Variants in LPCAT2 observed in about 807,000 individuals in gnomAD.
LPCAT2 encodes 1-AGP acyltransferase 11.
In LPCAT2, 58 loss-of-function variants were observed where a neutral mutation model predicts 64.7. That is an observed-to-expected ratio of 0.90 (90% CI 0.73 to 1.12). LPCAT2 has a LOEUF of 1.12. Ranked by LOEUF, LPCAT2 falls within the 50% of genes most tolerant of loss-of-function variation. LPCAT2 has a pLI of 0.00. For synonymous variants in LPCAT2, 252 were observed against 245.3 expected, an observed-to-expected ratio of 1.03 and a Z score of -0.26; for missense variants, 579 against 669.8, an observed-to-expected ratio of 0.86 and a Z score of 1.50.
intron 3 of LPCAT2, among the ~76,000 whole-genome samples, chr16:55,529,453 T>A (rs184808415): frequency 4.6e-5 from 7 of 152,322 alleles, no homozygotes; most frequent in Admixed American, 3.3e-4. Context: ...ATTGCAGTAT[T>A]ATGAGTAATG....
chr16:55,536,255 G>A (rs2142386754), intron 7 of LPCAT2, among the ~76,000 whole-genome samples: 1 of 152,276 alleles, frequency 6.6e-6, no homozygotes. Context: ...AGGAGACTTG[G>A]AATAAACTTA....
intron 11 of LPCAT2, among the ~76,000 whole-genome samples, chr16:55,570,553 G>A (rs1389453378): frequency 6.6e-6 from 1 of 152,086 alleles, no homozygotes; most frequent in Non-Finnish European, 1.5e-5. Context: ...AGGATCGCTT[G>A]AGCCCGGGGG....
chr16:55,571,955 AT>A (rs1187132105), intron 11 of LPCAT2, among the ~76,000 whole-genome samples: 1 of 152,126 alleles, frequency 6.6e-6, no homozygotes, highest in African/African-American at 2.4e-5. Flanking sequence ...CCAGTTCTAA[AT>A]TTTGTTATTC....
At chr16:55,580,837 T>TTCTCATA (rs201205848) in intron 13 of LPCAT2, among the ~76,000 whole-genome samples, 81,578 of 151,540 alleles carry the variant, frequency 0.54, 22,253 homozygotes, top group East Asian at 0.7. Flanking sequence ...TAGGAGCGCA[T>TTCTCATA]GAACCCTATT....
intron 8 of LPCAT2, among the ~76,000 whole-genome samples, chr16:55,543,064 G>C (rs556863953): frequency 1.5e-4 from 23 of 152,280 alleles, no homozygotes; most frequent in Non-Finnish European, 3.4e-4. Context: ...CATTCATACT[G>C]TGAGCCTTGA....
At chr16:55,556,544 G>A (rs1203241695) in intron 11 of LPCAT2, among the ~76,000 whole-genome samples, 4 of 152,126 alleles carry the variant, frequency 2.6e-5, no homozygotes, top group Non-Finnish European at 4.4e-5. Flanking sequence ...TTGGGAGGCC[G>A]AGGTGGGCAG....
rs1013847132 is a variant in LPCAT2 at position 55,574,491 on chromosome 16, G to C, written c.1216-140G>C. On this transcript the variant is annotated intron_variant, in intron 11 of 13. Coordinates refer to ENST00000262134, the MANE Select transcript of LPCAT2 (RefSeq NM_017839.5). ...GGAATAGTTGGGCTACTTGCTTGCT[G>C]TTCCTTCTTAGTGAGACTTTTCTCC... The C allele has an allele frequency of 2.9e-4, 190 of 645,618 alleles. No individual in the cohort carries two copies. The Middle Eastern group carries it at 4.9e-3, about 17-fold the overall frequency. 40.0% of individuals were successfully genotyped at this position (645,618 alleles called of 1,614,324 possible).
chr16:55,509,091 C>T lies in LPCAT2; in HGVS notation c.-91C>T. On this transcript the variant is annotated 5_prime_UTR_variant, in exon 1 of 14. Coordinates refer to ENST00000262134, the MANE Select transcript of LPCAT2 (RefSeq NM_017839.5). ...CTGCGCAGAGGCTCCCCAGCGTCGCCCTAGGCTGGGACTCTAGTAGGTCTT... is the reference window on the plus strand; with the variant it reads ...CTGCGCAGAGGCTCCCCAGCGTCGCTCTAGGCTGGGACTCTAGTAGGTCTT... 1 of 1,135,164 alleles carries T rather than the reference C, an allele frequency of 8.8e-7. No homozygotes were observed. Among genetic ancestry groups the T allele is most frequent in the Non-Finnish European group, 1.1e-6 (1 of 885,050 alleles). 70.3% of individuals were successfully genotyped at this position (1,135,164 alleles called of 1,614,324 possible). A position where few individuals can be genotyped will look rare whatever the true frequency, so the allele number is the denominator to read the frequency against.
Position 55,584,207 on chromosome 16 carries a change from T to A in LPCAT2, c.*1109T>A, listed in dbSNP as rs1434365666. 1 of 152,186 alleles carries A rather than the reference T, an allele frequency of 6.6e-6. No individual in the cohort carries two copies. The highest frequency in any genetic ancestry group is 1.5e-5 in the Non-Finnish European group (1 of 68,030). The allele number at this position is 152,186 out of a possible 1,614,324, so 9.4% of individuals were successfully genotyped here. Reference sequence around the variant, plus strand: ...ATGTAGCACTTGCCCTATAAATGAATCAGATTTGTTCTATTTATATAATAT... The same window carrying A: ...ATGTAGCACTTGCCCTATAAATGAAACAGATTTGTTCTATTTATATAATAT... On this transcript the variant is annotated 3_prime_UTR_variant, in exon 14 of 14. Coordinates refer to ENST00000262134, the MANE Select transcript of LPCAT2 (RefSeq NM_017839.5).
At chr16:55,549,237 TAA>T (rs1555496863) in intron 9 of LPCAT2, 38 bp from the exon 10 acceptor site, 21 of 1,332,444 alleles carry the variant, frequency 1.6e-5, no homozygotes, top group Admixed American at 8.3e-5. Flanking sequence ...CTTTTTTTTT[TAA>T]AAAAAATGAA....
In LPCAT2 at chr16:55,509,154, T is replaced by G; in HGVS notation, c.-28T>G. ...GGCTGCAGCGCCCGCGTAGATCGCT[T>G]CGGCCGGGTTCTACGCCCGGCTCAA... is the stretch of plus-strand genomic sequence containing the variant. On this transcript the variant is annotated 5_prime_UTR_variant, in exon 1 of 14. Transcript: ENST00000262134. 1 of 1,310,886 alleles carries G rather than the reference T, an allele frequency of 7.6e-7. No individual in the cohort carries two copies. The highest frequency in any genetic ancestry group is 2.1e-5 in the South Asian group (1 of 47,138). The allele number at this position is 1,310,886 out of a possible 1,614,324, so 81.2% of individuals were successfully genotyped here.
intron 10 of LPCAT2, 108 bp downstream of exon 10, chr16:55,549,510 G>A: frequency 9.2e-7 from 1 of 1,089,356 alleles, no homozygotes; most frequent in Non-Finnish European, 1.3e-6. Flanking sequence ...GTTCCCATTT[G>A]GTGTATATTA....
At chr16:55,559,078 G>A (rs1963607079) in intron 11 of LPCAT2, among the ~76,000 whole-genome samples, 1 of 152,142 alleles carries the variant, frequency 6.6e-6, no homozygotes, top group African/African-American at 2.4e-5. Flanking sequence ...GGAAAAGAGT[G>A]AGGAAATTGA....
Position 55,583,025 on chromosome 16 carries a change from C to T in LPCAT2, c.1562C>T (p.Thr521Ile), listed in dbSNP as rs1165711936. 2 of 1,613,664 alleles carry T rather than the reference C, an allele frequency of 1.2e-6. No homozygotes were observed. Among genetic ancestry groups the T allele is most frequent in the Non-Finnish European group, 8.5e-7 (1 of 1,179,808 alleles). The change falls in exon 14 of 14, where the codon ACC becomes ATC. Residue 521 changes from threonine (T) to isoleucine (I), a missense_variant. Thr to Ile is a moderately conservative substitution (Grantham distance 89). Transcript: ENST00000262134. Reference sequence around the variant, plus strand: ...TCATTACCAAAAGAAGTCCAGACAACCCCCTCCACCGCCAGTAATAAAGTC... The same window carrying T: ...TCATTACCAAAAGAAGTCCAGACAATCCCCTCCACCGCCAGTAATAAAGTC... ...VFSLPKEVQT[T>I]PSTASNKVSP...
intron 1 of LPCAT2, among the ~76,000 whole-genome samples, chr16:55,522,409 T>C (rs1406773556): frequency 2.6e-5 from 4 of 151,754 alleles, no homozygotes; most frequent in African/African-American, 9.7e-5. Context: ...TTCCTCCAAA[T>C]TGATCTGTAG....
At chr16:55,563,931 A>G (rs1305675439) in intron 11 of LPCAT2, among the ~76,000 whole-genome samples, 1 of 151,900 alleles carries the variant, frequency 6.6e-6, no homozygotes, top group Non-Finnish European at 1.5e-5. Flanking sequence ...AAATGATATG[A>G]TCTTATTTGT....
Position 55,509,274 on chromosome 16 carries a change from T to A in LPCAT2, c.93T>A (p.Arg31=). The A allele has an allele frequency of 6.6e-7, 1 of 1,511,508 alleles. No individual in the cohort carries two copies. The highest frequency in any genetic ancestry group is 8.9e-7 in the Non-Finnish European group (1 of 1,122,828). 93.6% of individuals were successfully genotyped at this position (1,511,508 alleles called of 1,614,324 possible). Residue 31 remains arginine, a synonymous_variant, in exon 1 of 14, where the codon CGT becomes CGA. Coordinates refer to ENST00000262134, the MANE Select transcript of LPCAT2 (RefSeq NM_017839.5). ...GGCTGCGGCCGCCCATGGTGCCCCGTCAGGCGTCCTTCTTCCCGCCGCCGG... is the reference window on the plus strand; with the variant it reads ...GGCTGCGGCCGCCCATGGTGCCCCGACAGGCGTCCTTCTTCCCGCCGCCGG... ...NVGLRPPMVP[R]QASFFPPPVP... is the part of the protein sequence containing the mutation.
intron 11 of LPCAT2, among the ~76,000 whole-genome samples, chr16:55,565,600 A>G (rs1963685723): frequency 6.6e-6 from 1 of 152,138 alleles, no homozygotes; most frequent in Non-Finnish European, 1.5e-5. Context: ...TAAGCAAGTC[A>G]CAAAAGAACA....
Position 55,574,774 on chromosome 16 carries a change from A to G in LPCAT2, c.1314+45A>G, listed in dbSNP as rs771838605. 3.8e-6 allele frequency: 5 copies of G among 1,327,550 alleles called. No homozygotes were observed. The South Asian group carries it at 5.9e-5, about 16-fold the overall frequency. The allele number at this position is 1,327,550 out of a possible 1,614,324, so 82.2% of individuals were successfully genotyped here. A position where few individuals can be genotyped will look rare whatever the true frequency, so the allele number is the denominator to read the frequency against. ...AAGCATCTTGGTCTGCCTTGTAAAC[A>G]AGTGTTGACTCTAAGTGTATTATTT... On this transcript the variant is annotated intron_variant, in intron 12 of 13. Coordinates refer to ENST00000262134, the MANE Select transcript of LPCAT2 (RefSeq NM_017839.5).
Sources: allele counts gnomAD v4.1 joint callset (sites outside exome capture counted in the v4.1 genomes callset), GRCh38; gene constraint gnomAD v4.1.1; transcripts MANE v1.5; gene names NCBI Gene and HGNC (gene_info 2026-07-23, HGNC 2026-07-21).